The following KCNK12 variants were observed in gnomAD, a reference collection of about 807,000 sequenced individuals.
KCNK12 encodes potassium two pore domain channel subfamily K member 12.
KCNK12 carries 6 observed loss-of-function variants against 25.3 expected under a neutral mutation model. The observed-to-expected ratio is 0.24, with a 90% CI of 0.13 to 0.47. KCNK12 has a LOEUF of 0.47. Among genes scored for constraint, KCNK12 ranks in the 20% least tolerant of loss-of-function variants. The pLI is 0.99. For synonymous variants in KCNK12, 331 were observed against 311.1 expected, an observed-to-expected ratio of 1.06 and a Z score of -0.67; for missense variants, 444 against 661.7, an observed-to-expected ratio of 0.67 and a Z score of 3.61.
chr2:47,555,270 T>C lies in KCNK12; in HGVS notation c.391+14671A>G, dbSNP rs1572606320. On this transcript the variant is annotated intron_variant, in intron 1 of 1. Transcript: ENST00000327876. This position sits in a 1 kb window ranked among gnomAD's most constrained non-coding sequence, Gnocchi z 4.5. Reference sequence around the variant, plus strand: ...CAAATATGTCACTTTAGCACAAGGATTGTTTTGAGCTGCAGGCAATTTGGA... The same window carrying C: ...CAAATATGTCACTTTAGCACAAGGACTGTTTTGAGCTGCAGGCAATTTGGA... Among the ~76,000 whole-genome samples the C allele has an allele frequency of 6.6e-6, 1 of 152,164 alleles. No homozygotes were observed. Among genetic ancestry groups the C allele is most frequent in the African/African-American group, 2.4e-5 (1 of 41,438 alleles).
Position 47,560,914 on chromosome 2 carries a change from T to C in KCNK12, c.391+9027A>G, listed in dbSNP as rs2104883188. Among the ~76,000 whole-genome samples the C allele has an allele frequency of 6.6e-6, 1 of 152,212 alleles. No individual in the cohort carries two copies. Among genetic ancestry groups the C allele is most frequent in the Middle Eastern group, 3.4e-3 (1 of 294 alleles). ...AGATCCTGTCCTGCTCCGGGAGGCTTCTGCCTGGGAAGGGGGTCCCGGTGC... is the reference window on the plus strand; with the variant it reads ...AGATCCTGTCCTGCTCCGGGAGGCTCCTGCCTGGGAAGGGGGTCCCGGTGC... On this transcript the variant is annotated intron_variant, in intron 1 of 1. Coordinates refer to ENST00000327876, the MANE Select transcript of KCNK12 (RefSeq NM_022055.2). This position sits in a 1 kb window ranked among gnomAD's most constrained non-coding sequence, Gnocchi z 4.7.
rs757403708 is a variant in KCNK12 at position 47,512,726 on chromosome 2, A to T, written c.*8181T>A. ...TACATTTCCCAGAACTCCTTGTTGG[A>T]TTCCTTCCAAACAGGTTTACCACTG... On this transcript the variant is annotated 3_prime_UTR_variant, in exon 2 of 2. Coordinates refer to ENST00000327876, the MANE Select transcript of KCNK12 (RefSeq NM_022055.2). The T allele has an allele frequency of 1.9e-4, 55 of 291,110 alleles. No homozygotes were observed. The highest frequency in any genetic ancestry group is 3.4e-4 in the Non-Finnish European group (53 of 155,736). The allele number at this position is 291,110 out of a possible 1,614,324, so 18.0% of individuals were successfully genotyped here.
At position 47,512,366 on chromosome 2, in the gene KCNK12, C is replaced by T. The variant is rs772746618; in HGVS notation, c.*8541G>A. 14 of 1,612,142 alleles carry T rather than the reference C, an allele frequency of 8.7e-6. No homozygotes were observed. Among genetic ancestry groups the T allele is most frequent in the Middle Eastern group, 3.3e-4 (2 of 6,082 alleles). ...TTTGCTGACATGGAAAAGGAAACTT[C>T]GTGGGGGAAAGAGATCTGCTTGCAG... On this transcript the variant is annotated 3_prime_UTR_variant, in exon 2 of 2. Transcript: ENST00000327876.
In KCNK12 at chr2:47,521,614, GGCGGAAGGTGGCGGGCAGCAGGCCGCT is replaced by G. The variant is rs1558546279; in HGVS notation, c.559_585del (p.Ser187_Arg195del). ...TCGGCCTCCGAGAGCGCGGAGCCGC[GGCGGAAGGTGGCGGGCAGCAGGCCGCT>G]GCGGCGCAGCTGGCGCTCCCGGCAG... On this transcript the variant is annotated inframe_deletion, in exon 2 of 2. Coordinates refer to ENST00000327876, the MANE Select transcript of KCNK12 (RefSeq NM_022055.2). 6.4e-7 allele frequency: 1 copy of G among 1,571,640 alleles called. No homozygotes were observed.
At position 47,518,437 on chromosome 2, in the gene KCNK12, T is replaced by G. The variant is rs931458712; in HGVS notation, c.*2470A>C. The G allele has an allele frequency of 6.6e-6, 1 of 152,204 alleles. No homozygotes were observed. Among genetic ancestry groups the G allele is most frequent in the African/African-American group, 2.4e-5 (1 of 41,420 alleles). The allele number at this position is 152,204 out of a possible 1,614,324, so 9.4% of individuals were successfully genotyped here. ...CTCAAGCTGCCTCCAATTGCCTCTT[T>G]CCAAAACCAAAGCATAGGAAAACAA... On this transcript the variant is annotated 3_prime_UTR_variant, in exon 2 of 2. Coordinates refer to ENST00000327876, the MANE Select transcript of KCNK12 (RefSeq NM_022055.2). The surrounding 1 kb of genome is among the most constrained non-coding windows in gnomAD (Gnocchi z 4.1).
At position 47,510,580 on chromosome 2, in the gene KCNK12, A is replaced by G. The variant is rs1668376361; in HGVS notation, c.*10327T>C. Among the ~76,000 whole-genome samples the G allele has an allele frequency of 6.6e-6, 1 of 151,540 alleles. No individual in the cohort carries two copies. Among genetic ancestry groups the G allele is most frequent in the African/African-American group, 2.4e-5 (1 of 41,196 alleles). On this transcript the variant is annotated 3_prime_UTR_variant, in exon 2 of 2. Transcript: ENST00000327876. ...CTGGGGGCTATCTCAACACCCCTAC[A>G]CTCTCACCGCACGTATTTGGTCAGC...
chr2:47,552,288 G>T (rs1192315296), intron 1 of KCNK12, among the ~76,000 whole-genome samples: 1 of 152,118 alleles, frequency 6.6e-6, no homozygotes, highest in Admixed American at 6.5e-5. Flanking sequence ...GGGCACAGGG[G>T]GCTGCCCTCA....
rs375288745 is a variant in KCNK12 at position 47,569,924 on chromosome 2, G to A, written c.391+17C>T. On this transcript the variant is annotated intron_variant, in intron 1 of 1. Coordinates refer to ENST00000327876, the MANE Select transcript of KCNK12 (RefSeq NM_022055.2). The surrounding 1 kb of genome is among the most constrained non-coding windows in gnomAD (Gnocchi z 4.1). The stretch of plus-strand genomic sequence containing the variant: ...AAGGCACAGAGAGGAAAGATGCGCG[G>A]GGGACGCGCCGCTCACCTATGGTTG... 5.3e-5 allele frequency: 72 copies of A among 1,363,472 alleles called. No homozygotes were observed. In the African/African-American group the frequency reaches 1.1e-3, roughly 21 times the overall value. 84.5% of individuals were successfully genotyped at this position (1,363,472 alleles called of 1,614,324 possible).
chr2:47,535,762 A>T (rs1040311495), intron 1 of KCNK12, among the ~76,000 whole-genome samples: 39 of 151,990 alleles, frequency 2.6e-4, no homozygotes, highest in Non-Finnish European at 5.0e-4. Context: ...AGGTTCAGAG[A>T]ATGCAACTGT....
rs542879535 is a variant in KCNK12 at position 47,536,781 on chromosome 2, G to A, written c.392-14973C>T. ...TGGAGGACTTAAGGAAGCAGGCTTCGCTCTGGATGGGATGCTGCCAAAGAG... is the reference window on the plus strand; with the variant it reads ...TGGAGGACTTAAGGAAGCAGGCTTCACTCTGGATGGGATGCTGCCAAAGAG... On this transcript the variant is annotated intron_variant, in intron 1 of 1. Coordinates refer to ENST00000327876, the MANE Select transcript of KCNK12 (RefSeq NM_022055.2). Among the ~76,000 whole-genome samples, 152 of 152,338 alleles carry A rather than the reference G, an allele frequency of 1.0e-3. 1 individual carries two copies. The highest frequency in any genetic ancestry group is 3.3e-3 in the African/African-American group (137 of 41,570).
chr2:47,562,346 G>A lies in KCNK12; in HGVS notation c.391+7595C>T, dbSNP rs1480555976. 5.3e-6 allele frequency: 2 copies of A among 374,108 alleles called. No individual in the cohort carries two copies. The highest frequency in any genetic ancestry group is 9.5e-6 in the Non-Finnish European group (2 of 211,086). 23.2% of individuals were successfully genotyped at this position (374,108 alleles called of 1,614,324 possible). ...AAGATTCTGGATGCTTCATCCTGAG[G>A]TCACCTTGGAATGAGATCCTCTGGG... On this transcript the variant is annotated intron_variant, in intron 1 of 1. Coordinates refer to ENST00000327876, the MANE Select transcript of KCNK12 (RefSeq NM_022055.2). This position sits in a 1 kb window ranked among gnomAD's most constrained non-coding sequence, Gnocchi z 4.8.
intron 1 of KCNK12, chr2:47,567,190 ATT>A (rs1347028121): frequency 6.6e-6 from 1 of 152,200 alleles, no homozygotes; most frequent in African/African-American, 2.4e-5. Flanking sequence ...GAATCAAATC[ATT>A]TTGTTCCCCT....
intron 1 of KCNK12, chr2:47,564,230 T>C (rs1414656578): frequency 1.7e-5 from 4 of 230,916 alleles, no homozygotes; most frequent in Non-Finnish European, 3.4e-5. Context: ...TCCTAGGCTT[T>C]GTAGAGGCAT....
At position 47,516,874 on chromosome 2, in the gene KCNK12, T is replaced by C. The variant is rs950058728; in HGVS notation, c.*4033A>G. 14 of 152,168 alleles carry C rather than the reference T, an allele frequency of 9.2e-5. No homozygotes were observed. The highest frequency in any genetic ancestry group is 3.4e-4 in the African/African-American group (14 of 41,418). 9.4% of individuals were successfully genotyped at this position (152,168 alleles called of 1,614,324 possible). ...AATTGTGCTCTGGGGTGCCTGAAAGTGCCAGAGCTGCTTCAGGGGCAAGAG... is the reference window on the plus strand; with the variant it reads ...AATTGTGCTCTGGGGTGCCTGAAAGCGCCAGAGCTGCTTCAGGGGCAAGAG... On this transcript the variant is annotated 3_prime_UTR_variant, in exon 2 of 2. Coordinates refer to ENST00000327876, the MANE Select transcript of KCNK12 (RefSeq NM_022055.2).
In KCNK12 at chr2:47,521,157, A is replaced by T; in HGVS notation, c.1043T>A (p.Leu348His). 7.7e-7 allele frequency: 1 copy of T among 1,290,908 alleles called. No homozygotes were observed. Among genetic ancestry groups the T allele is most frequent in the East Asian group, 3.2e-5 (1 of 31,576 alleles). The allele number at this position is 1,290,908 out of a possible 1,614,324, so 80.0% of individuals were successfully genotyped here. A position where few individuals can be genotyped will look rare whatever the true frequency, so the allele number is the denominator to read the frequency against. The change falls in exon 2 of 2, where the codon CTC becomes CAC. Residue 348 changes from leucine to histidine, a missense_variant. By Grantham distance (99) the Leu-to-His change is moderately conservative (BLOSUM62 -3). Coordinates refer to ENST00000327876, the MANE Select transcript of KCNK12 (RefSeq NM_022055.2). Reference protein sequence around the residue: ...GSRLRRRLAALGADPAARDSD... With the variant: ...GSRLRRRLAAHGADPAARDSD... ...GTCGCGGGCCGCGGGGTCGGCACCG[A>T]GCGCGGCCAGGCGGCGGCGCAGCCG...
chr2:47,553,020 T>C (rs1017026093), intron 1 of KCNK12, among the ~76,000 whole-genome samples: 9 of 152,200 alleles, frequency 5.9e-5, no homozygotes, highest in African/African-American at 2.2e-4. Context: ...TTCCTATCCC[T>C]AGTCCCCTCT....
At chr2:47,542,978 G>A (rs1669234250) in intron 1 of KCNK12, among the ~76,000 whole-genome samples, 1 of 152,102 alleles carries the variant, frequency 6.6e-6, no homozygotes, top group Non-Finnish European at 1.5e-5. Context: ...GGAGTGCAGT[G>A]GCTACTCACA....
At chr2:47,567,648 G>A (rs1206462627) in intron 1 of KCNK12, among the ~76,000 whole-genome samples, 2 of 152,210 alleles carry the variant, frequency 1.3e-5, no homozygotes, top group East Asian at 1.9e-4. Context: ...GGCTGTCTTG[G>A]CATCCTCACA....
chr2:47,562,824 C>T lies in KCNK12; in HGVS notation c.391+7117G>A, dbSNP rs1387879729. The T allele has an allele frequency of 2.6e-5, 6 of 232,964 alleles. No homozygotes were observed. The highest frequency in any genetic ancestry group is 1.1e-4 in the Admixed American group (2 of 17,772). 14.4% of individuals were successfully genotyped at this position (232,964 alleles called of 1,614,324 possible). A position where few individuals can be genotyped will look rare whatever the true frequency, so the allele number is the denominator to read the frequency against. ...GTAGAAACTCTGCAGAGAGTATGAC[C>T]GTGTCTCTTAAAAAAACTTTGGTGA... On this transcript the variant is annotated intron_variant, in intron 1 of 1. Transcript: ENST00000327876. The surrounding 1 kb of genome is among the most constrained non-coding windows in gnomAD (Gnocchi z 4.8).
Sources: gnomAD v4.1 joint callset for allele counts (sites outside exome capture counted in the v4.1 genomes callset) on GRCh38, gnomAD v4.1.1 for gene constraint, Gnocchi (gnomAD v3.1) non-coding constraint, MANE v1.5 for transcripts, NCBI Gene and HGNC (gene_info 2026-07-23, HGNC 2026-07-21) for gene names.